TRAK1: variants seen among roughly 807,000 people sequenced by gnomAD.
TRAK1 encodes trafficking kinesin protein 1.
A neutral mutation model predicts 92.1 loss-of-function variants in TRAK1; 33 were observed. The ratio of observed to expected loss-of-function variants is 0.36; its 90% CI spans 0.27 to 0.48. The LOEUF is 0.48. TRAK1 is among the 20% of genes least tolerant of loss of function. The pLI, the probability that TRAK1 is intolerant of heterozygous loss-of-function variation, is 0.99. For missense variants in TRAK1, 1,123 were observed against 1,257.9 expected (o/e 0.89, Z 1.62); for synonymous variants, 521 against 517.3 (o/e 1.01, Z -0.10).
intron 2 of TRAK1, among the ~76,000 whole-genome samples, chr3:42,157,489 A>AAAAAAAAAAAC (rs1553739632): frequency 6.9e-6 from 1 of 144,724 alleles, no homozygotes; most frequent in African/African-American, 2.5e-5. Context: ...AAAAAAAAAA[A>AAAAAAAAAAAC]GGTTAACATT....
rs377355018 is a variant in TRAK1 at position 42,151,425 on chromosome 3, G to T, written c.287-25389G>T. On this transcript the variant is annotated intron_variant, in intron 2 of 15. Coordinates refer to ENST00000327628, the MANE Select transcript of TRAK1 (RefSeq NM_001042646.3). ...AAATAGAAGAGGAGATGGCTCAACT[G>T]TTCAAGGGTAAATATATTGATTTAT... The T allele has an allele frequency of 9.7e-4, 439 of 451,916 alleles. 4 individuals carry two copies. Among genetic ancestry groups the T allele is most frequent in the South Asian group, 6.7e-3 (426 of 63,428 alleles). 28.0% of individuals were successfully genotyped at this position (451,916 alleles called of 1,614,324 possible).
chr3:42,108,830 G>C (rs1707950180), intron 1 of TRAK1, among the ~76,000 whole-genome samples: 1 of 152,022 alleles, frequency 6.6e-6, no homozygotes, highest in African/African-American at 2.4e-5. Flanking sequence ...TGACCATAAT[G>C]CTCCTGTTTG....
intron 2 of TRAK1, among the ~76,000 whole-genome samples, chr3:42,144,738 A>G (rs536819980): frequency 3.9e-4 from 59 of 152,270 alleles, no homozygotes; most frequent in African/African-American, 1.3e-3. Context: ...ATATTGTTCC[A>G]TATAAATTGT....
rs1157067369 is a variant in TRAK1, at chr3:42,054,904, A to ATTTTTTTTTTTTTTTTTTT, written c.-518-32184_-518-32166dup. ...TTGTAAATGATCTACAGCAAACTAG[A>ATTTTTTTTTTTTTTTTTTT]TTTTTTTTTTTTTTTTTTTTTTTTT... is the stretch of plus-strand genomic sequence containing the variant. On this transcript the variant is annotated intron_variant, in intron 1 of 16. Coordinates refer to the TRAK1 transcript ENST00000487159. 3.8e-4 allele frequency among the ~76,000 whole-genome samples: 14 copies of ATTTTTTTTTTTTTTTTTTT among 37,108 alleles called. 4 individuals are homozygous for ATTTTTTTTTTTTTTTTTTT. The highest frequency in any genetic ancestry group is 5.1e-4 in the Non-Finnish European group (10 of 19,540). The allele number at this position is 37,108 out of a possible 152,430, so 24.3% of individuals were successfully genotyped here. A position where few individuals can be genotyped will look rare whatever the true frequency, so the allele number is the denominator to read the frequency against.
chr3:42,096,520 C>G (rs536636561), intron 1 of TRAK1, among the ~76,000 whole-genome samples: 17 of 152,234 alleles, frequency 1.1e-4, no homozygotes, highest in African/African-American at 4.1e-4. Flanking sequence ...TCCCAAAGTG[C>G]TGGGATTACA....
chr3:42,103,633 T>G (rs1464313017), intron 1 of TRAK1, among the ~76,000 whole-genome samples: 1 of 152,158 alleles, frequency 6.6e-6, no homozygotes, highest in Non-Finnish European at 1.5e-5. Context: ...GCTGGGCTCG[T>G]GTCTGTGATC....
chr3:42,093,673 TCCCCTCCCCTCCCCTCCCCTCCCCTC>T (rs1705462382), intron 1 of TRAK1, among the ~76,000 whole-genome samples: 4 of 6,362 alleles, frequency 6.3e-4, no homozygotes, highest in Admixed American at 2.3e-3. Context: ...TTCCCTCCCC[TCCCCTCCCCTCCCCTCCCCTCCCCTC>T]CCCTCCCCTT....
intron 13 of TRAK1, among the ~76,000 whole-genome samples, chr3:42,208,044 G>C (rs1384671933): frequency 2.6e-5 from 4 of 152,174 alleles, no homozygotes; most frequent in Non-Finnish European, 5.9e-5. Flanking sequence ...ATGTCCCTGG[G>C]GGAGTGGGGT....
In TRAK1 at chr3:42,219,995, T is replaced by C. The variant is rs142705306; in HGVS notation, c.2066+399T>C. Among the ~76,000 whole-genome samples, 224 of 152,164 alleles carry C rather than the reference T, an allele frequency of 1.5e-3. 2 individuals carry two copies. Among genetic ancestry groups the C allele is most frequent in the African/African-American group, 5.0e-3 (209 of 41,502 alleles). On this transcript the variant is annotated intron_variant, in intron 15 of 15. Transcript: ENST00000327628. ...ACCTTTAGTTGCCCTTTTAGTTGGC[T>C]ATTTAGTTAGAAATGGATTCCTAGG... is the stretch of plus-strand genomic sequence containing the variant.
At chr3:42,031,273 G>A (rs1328662862) in intron 1 of TRAK1, among the ~76,000 whole-genome samples, 1 of 151,702 alleles carries the variant, frequency 6.6e-6, no homozygotes, top group African/African-American at 2.4e-5. Flanking sequence ...GCCTGACCTT[G>A]TGATCCACCC....
Position 42,184,675 on chromosome 3 carries a change from C to G in TRAK1, c.364-10C>G, listed in dbSNP as rs1244507087. 3 of 1,613,250 alleles carry G rather than the reference C, an allele frequency of 1.9e-6. No homozygotes were observed. Among genetic ancestry groups the G allele is most frequent in the Non-Finnish European group, 2.5e-6 (3 of 1,179,436 alleles). ...TTTTGAATCTCTGTTCTCCCTCTTT[C>G]CTTTTGTAGAAAGAGCGGGATTTAG... On this transcript the variant is annotated splice_polypyrimidine_tract_variant and intron_variant, in intron 3 of 15. Transcript: ENST00000327628.
chr3:42,221,066 A>G (rs1356550884), intron 15 of TRAK1, among the ~76,000 whole-genome samples: 1 of 137,568 alleles, frequency 7.3e-6, no homozygotes, highest in Non-Finnish European at 1.5e-5. Flanking sequence ...TAGCAAGAGA[A>G]GGCTCTTTTT....
intron 2 of TRAK1, among the ~76,000 whole-genome samples, chr3:42,153,621 A>T (rs966592095): frequency 6.6e-6 from 1 of 152,194 alleles, no homozygotes; most frequent in Non-Finnish European, 1.5e-5. Context: ...TTATTCTTAC[A>T]GCTTCTTACT....
At position 42,102,229 on chromosome 3, in the gene TRAK1, G is replaced by T. The variant is rs556927425; in HGVS notation, c.91+10669G>T. On this transcript the variant is annotated intron_variant, in intron 1 of 15. Coordinates refer to ENST00000327628, the MANE Select transcript of TRAK1 (RefSeq NM_001042646.3). ...TCGAACTCCTGACCTCCAGTGATCC[G>T]CCTGCCTTGGCCTCCCAGGGTGCTG... 1.3e-3 allele frequency among the ~76,000 whole-genome samples: 201 copies of T among 152,296 alleles called. 1 individual carries two copies. The highest frequency in any genetic ancestry group is 4.6e-3 in the African/African-American group (192 of 41,564).
At chr3:42,111,330 CA>C (rs1301068355) in intron 1 of TRAK1, among the ~76,000 whole-genome samples, 1 of 151,948 alleles carries the variant, frequency 6.6e-6, no homozygotes, top group African/African-American at 2.4e-5. Flanking sequence ...GTCCTTTTCC[CA>C]AAACAAACCT....
intron 2 of TRAK1, among the ~76,000 whole-genome samples, chr3:42,151,832 C>T (rs1576643810): frequency 6.6e-6 from 1 of 152,328 alleles, no homozygotes; most frequent in African/African-American, 2.4e-5. Flanking sequence ...AATAGACACA[C>T]ACCATTGCTT....
At chr3:42,025,765 G>T (rs915487814) in intron 1 of TRAK1, among the ~76,000 whole-genome samples, 3 of 152,094 alleles carry the variant, frequency 2.0e-5, no homozygotes, top group Non-Finnish European at 2.9e-5. Flanking sequence ...CAGTCACGTG[G>T]GTGGTGAGCT....
chr3:42,192,447 T>G (rs113640949), intron 7 of TRAK1, among the ~76,000 whole-genome samples: 1 of 151,898 alleles, frequency 6.6e-6, no homozygotes, highest in African/African-American at 2.4e-5. Context: ...GTCAAAGTAC[T>G]AAGTATTTTG....
Position 42,211,503 on chromosome 3 carries a change from G to A in TRAK1, c.1963+1518G>A, listed in dbSNP as rs57337308. Reference sequence around the variant, plus strand: ...ATTTTTGTCATCAGCACCAGTGTCCGTCAGGAAGGCAGGTGGTGGTGCAGA... The same window carrying A: ...ATTTTTGTCATCAGCACCAGTGTCCATCAGGAAGGCAGGTGGTGGTGCAGA... On this transcript the variant is annotated intron_variant, in intron 14 of 15. Transcript: ENST00000327628. The A allele has an allele frequency of 2.5e-4, 245 of 985,418 alleles. 2 individuals carry two copies. In the African/African-American group the frequency reaches 3.9e-3, roughly 16 times the overall value. The allele number at this position is 985,418 out of a possible 1,614,324, so 61.0% of individuals were successfully genotyped here.
Sources: gnomAD v4.1 joint callset for allele counts (sites outside exome capture counted in the v4.1 genomes callset) on GRCh38, gnomAD v4.1.1 for gene constraint, MANE v1.5 for transcripts, NCBI Gene and HGNC (gene_info 2026-07-23, HGNC 2026-07-21) for gene names.